Variants in ZNF69 observed in about 807,000 individuals in gnomAD.
ZNF69 encodes ZNF3.
ZNF69 carries 47 observed loss-of-function variants against 50.9 expected under a neutral mutation model. The observed-to-expected ratio is 0.92, with a 90% confidence interval of 0.73 to 1.18. ZNF69 has a LOEUF of 1.18. Ranked by LOEUF, ZNF69 falls within the 50% of genes most tolerant of loss-of-function variation. ZNF69 has a pLI of 0.00. For synonymous variants in ZNF69, 216 were observed against 223.1 expected, an observed-to-expected ratio of 0.97 and a Z score of 0.29; for missense variants, 717 against 675.1, an observed-to-expected ratio of 1.06 and a Z score of -0.69.
chr19:11,888,104 C>T, intron 1 of ZNF69, 118 bp downstream of exon 1: 2 of 910,668 alleles, frequency 2.2e-6, no homozygotes, highest in Non-Finnish European at 3.3e-6. Flanking sequence ...GGACCGAGTC[C>T]TCCTGGAGCC....
the ZNF69 span, among the ~76,000 whole-genome samples, chr19:11,951,150 CAAAA>C: frequency 1.4e-4 from 9 of 65,062 alleles, no homozygotes; most frequent in African/African-American, 4.1e-4. Context: ...ACTCCATCTC[CAAAA>C]AAAAAAAAAA....
chr19:11,954,279 A>G, the ZNF69 span, among the ~76,000 whole-genome samples: 75 of 152,198 alleles, frequency 4.9e-4, 1 homozygote, highest in Non-Finnish European at 9.1e-4. Flanking sequence ...AGATTCTGCA[A>G]GAGGAAAGGA....
the ZNF69 span, among the ~76,000 whole-genome samples, chr19:11,933,911 G>A: frequency 5.4e-5 from 8 of 147,124 alleles, no homozygotes; most frequent in East Asian, 1.6e-3. Context: ...CCCCAGCTCA[G>A]GTGATCCTCC....
the ZNF69 span, among the ~76,000 whole-genome samples, chr19:11,944,253 G>A: frequency 6.6e-6 from 1 of 152,170 alleles, no homozygotes; most frequent in Non-Finnish European, 1.5e-5. Context: ...CCATACTATG[G>A]GAGGAGGGCT....
chr19:11,931,420 C>T, the ZNF69 span, among the ~76,000 whole-genome samples: 2 of 148,096 alleles, frequency 1.4e-5, no homozygotes, highest in Non-Finnish European at 2.9e-5. Flanking sequence ...TCATCTAATC[C>T]TAATTACTTC....
the ZNF69 span, among the ~76,000 whole-genome samples, chr19:11,937,391 T>C: frequency 1.3e-5 from 2 of 152,282 alleles, no homozygotes; most frequent in Middle Eastern, 3.4e-3. Flanking sequence ...TTGCCCAGGC[T>C]GGTCTCGAAC....
At chr19:11,964,867 T>A in the ZNF69 span, among the ~76,000 whole-genome samples, 1 of 152,208 alleles carries the variant, frequency 6.6e-6, no homozygotes, top group African/African-American at 2.4e-5. Context: ...CACCTCGCCC[T>A]TAGAGAAGCT....
At chr19:11,953,567 C>T in the ZNF69 span, among the ~76,000 whole-genome samples, 25 of 152,370 alleles carry the variant, frequency 1.6e-4, 1 homozygote, top group Admixed American at 7.2e-4. Flanking sequence ...GCAATCCACA[C>T]ACTCGTGGTT....
At chr19:11,954,015 TTTAC>T in the ZNF69 span, among the ~76,000 whole-genome samples, 3 of 152,214 alleles carry the variant, frequency 2.0e-5, no homozygotes, top group African/African-American at 7.2e-5. Flanking sequence ...GTATGCATGT[TTTAC>T]TTTTGTGCTT....
chr19:11,956,301 C>A, the ZNF69 span, among the ~76,000 whole-genome samples: 1 of 152,146 alleles, frequency 6.6e-6, no homozygotes, highest in African/African-American at 2.4e-5. Flanking sequence ...GAGAGTTAAT[C>A]TTTTTGACAT....
the ZNF69 span, chr19:11,949,426 C>G: frequency 1.4e-5 from 23 of 1,612,834 alleles, no homozygotes; most frequent in Non-Finnish European, 1.9e-5. Flanking sequence ...TGGTAGGACT[C>G]ATACTGGAGA....
chr19:11,930,900 G>A, the ZNF69 span, among the ~76,000 whole-genome samples: 2 of 147,314 alleles, frequency 1.4e-5, 1 homozygote, highest in African/African-American at 5.4e-5. Flanking sequence ...TCGGGAGGCT[G>A]AGGCAGGAGA....
Position 11,913,408 on chromosome 19 carries a change from GA to G in ZNF69, c.*5del, listed in dbSNP as rs771470077. The G allele has an allele frequency of 7.2e-4, 395 of 546,372 alleles. 2 individuals are homozygous for G. In the African/African-American group the frequency reaches 7.3e-3, roughly 10 times the overall value. The allele number at this position is 546,372 out of a possible 1,614,324, so 33.8% of individuals were successfully genotyped here. A position where few individuals can be genotyped will look rare whatever the true frequency, so the allele number is the denominator to read the frequency against. On this transcript the variant is annotated frameshift_variant and stop_lost and splice_region_variant, in exon 5 of 5. Transcript: ENST00000340180. LOFTEE classifies it high-confidence loss of function. ...TTTTTCTTATCTTTTTTTTTTTCCA[GA>G]AAAAAATCTCACTCTGTCACCCAGG...
the ZNF69 span, among the ~76,000 whole-genome samples, chr19:11,925,931 A>G: frequency 6.6e-6 from 1 of 152,176 alleles, no homozygotes; most frequent in Non-Finnish European, 1.5e-5. Context: ...TGCAGGGAAA[A>G]TGATGAATCA....
chr19:11,967,821 G>T, the ZNF69 span, among the ~76,000 whole-genome samples: 2 of 152,232 alleles, frequency 1.3e-5, no homozygotes, highest in Non-Finnish European at 2.9e-5. Flanking sequence ...TTATGTAGGG[G>T]TCTTGTCTAT....
the ZNF69 span, chr19:11,947,283 A>G: frequency 6.2e-6 from 10 of 1,613,866 alleles, no homozygotes; most frequent in African/African-American, 1.1e-4. Flanking sequence ...GATGCTGGAA[A>G]CTTTCAGGAA....
chr19:11,907,281 C>G (rs1972392524), downstream of ZNF69, among the ~76,000 whole-genome samples: 2 of 152,182 alleles, frequency 1.3e-5, no homozygotes. Context: ...CTTCCCCAAC[C>G]TAGCAAGGCA....
At chr19:11,949,217 CCTTCAATCT>C in the ZNF69 span, 1 of 1,613,746 alleles carries the variant, frequency 6.2e-7, no homozygotes, top group Non-Finnish European at 8.5e-7. Flanking sequence ...TGTGGTAAAG[CCTTCAATCT>C]TTCCAGTTCC....
chr19:11,917,306 G>A (rs938737477), downstream of ZNF69, among the ~76,000 whole-genome samples: 2 of 152,246 alleles, frequency 1.3e-5, no homozygotes, highest in African/African-American at 2.4e-5. Context: ...CACAGTGAGC[G>A]AGTGGTCTTT....
Sources: gnomAD v4.1 joint callset for allele counts (sites outside exome capture counted in the v4.1 genomes callset) on GRCh38, gnomAD v4.1.1 for gene constraint, MANE v1.5 for transcripts, NCBI Gene and HGNC (gene_info 2026-07-23, HGNC 2026-07-21) for gene names.